PRKN: variants seen among roughly 807,000 people sequenced by gnomAD.
PRKN encodes the protein parkin RBR E3 ubiquitin protein ligase.
Under a neutral mutation model 59.5 loss-of-function variants are expected in PRKN, and 56 were observed. The ratio of observed to expected loss-of-function variants is 0.94; its 90% CI spans 0.76 to 1.18. The LOEUF (loss-of-function observed/expected upper bound fraction) is 1.18. Ranked by LOEUF, PRKN falls within the 50% of genes most tolerant of loss-of-function variation. The probability of loss-of-function intolerance (pLI) is 0.00; values close to 1 mark genes in which losing one functional copy is unlikely to be tolerated. For missense variants in PRKN, 657 were observed against 596.4 expected, an observed-to-expected ratio of 1.10 and a Z score of -1.06; for synonymous variants, 250 against 222.1, an observed-to-expected ratio of 1.13 and a Z score of -1.12.
chr6:162,096,677 C>T (rs1294099551), intron 4 of PRKN, among the ~76,000 whole-genome samples: 2 of 152,036 alleles, frequency 1.3e-5, no homozygotes, highest in African/African-American at 2.4e-5. Flanking sequence ...TTCTCATTCT[C>T]TTTTGCCTGC....
intron 7 of PRKN, among the ~76,000 whole-genome samples, chr6:161,668,256 T>C (rs1784790746): frequency 6.8e-6 from 1 of 148,134 alleles, no homozygotes; most frequent in Non-Finnish European, 1.5e-5. Context: ...AAACAGGTTT[T>C]TCATATAAAG....
In PRKN at chr6:161,347,634, T is replaced by TTTG; in HGVS notation, c.*2464_*2465insCAA. On this transcript the variant is annotated 3_prime_UTR_variant, in exon 12 of 12. Transcript: ENST00000366898. ...TTTTGTTTTTGTTTTTTTTTTTTTT[T>TTTG]TGAGACAGAGTCTCACTCTGTTGCC... 6.7e-6 allele frequency: 1 copy of TTTG among 149,362 alleles called. No individual in the cohort carries two copies. Among genetic ancestry groups the TTTG allele is most frequent in the Non-Finnish European group, 1.5e-5 (1 of 67,540 alleles). The allele number at this position is 149,362 out of a possible 1,614,324, so 9.3% of individuals were successfully genotyped here. A position where few individuals can be genotyped will look rare whatever the true frequency, so the allele number is the denominator to read the frequency against.
intron 7 of PRKN, among the ~76,000 whole-genome samples, chr6:161,657,356 T>C (rs1784386216): frequency 6.6e-6 from 1 of 152,184 alleles, no homozygotes; most frequent in Admixed American, 6.5e-5. Context: ...TAAAGGCGAA[T>C]ATGAATAAGA....
chr6:162,248,878 A>G (rs1167368182), intron 3 of PRKN, among the ~76,000 whole-genome samples: 1 of 151,388 alleles, frequency 6.6e-6, no homozygotes, highest in Non-Finnish European at 1.5e-5. Flanking sequence ...TTGCTTTTGT[A>G]TATAATTTTT....
At chr6:162,357,274 G>A (rs374408215) in intron 2 of PRKN, among the ~76,000 whole-genome samples, 12 of 152,210 alleles carry the variant, frequency 7.9e-5, no homozygotes, top group African/African-American at 2.4e-4. Context: ...TTGCAACTCA[G>A]AAACACATAA....
At chr6:161,986,198 TAGGTA>T (rs1481604610) in intron 5 of PRKN, among the ~76,000 whole-genome samples, 1 of 152,156 alleles carries the variant, frequency 6.6e-6, no homozygotes, top group Non-Finnish European at 1.5e-5. Flanking sequence ...TAATTACAAG[TAGGTA>T]TAAACATGAC....
At chr6:162,000,301 G>A (rs1782003161) in intron 5 of PRKN, among the ~76,000 whole-genome samples, 1 of 152,064 alleles carries the variant, frequency 6.6e-6, no homozygotes, top group Non-Finnish European at 1.5e-5. Context: ...ATACTCCCCA[G>A]CATTTGGTGG....
chr6:162,434,394 T>C (rs13215957), intron 2 of PRKN, among the ~76,000 whole-genome samples: 59,692 of 152,014 alleles, frequency 0.39, 13,034 homozygotes, highest in African/African-American at 0.6. Context: ...CCTTCTGTGC[T>C]TTACAAAGGC....
At chr6:161,880,019 G>T (rs1056128522) in intron 6 of PRKN, among the ~76,000 whole-genome samples, 1 of 152,134 alleles carries the variant, frequency 6.6e-6, no homozygotes, top group East Asian at 1.9e-4. Context: ...AAGAAGCTTG[G>T]AGTCTGATAC....
chr6:162,458,358 A>T (rs1356284001), intron 1 of PRKN, among the ~76,000 whole-genome samples: 3 of 150,986 alleles, frequency 2.0e-5, no homozygotes, highest in Non-Finnish European at 4.4e-5. Flanking sequence ...CCCAGGAAGC[A>T]GAGGTTGCAG....
chr6:162,325,434 T>G (rs1174186217), intron 2 of PRKN, among the ~76,000 whole-genome samples: 1 of 152,154 alleles, frequency 6.6e-6, no homozygotes, highest in East Asian at 1.9e-4. Flanking sequence ...TATAAAAATG[T>G]CAATGGCTCA....
chr6:161,853,742 T>C (rs1793529370), intron 6 of PRKN, among the ~76,000 whole-genome samples: 1 of 152,142 alleles, frequency 6.6e-6, no homozygotes. Context: ...AACATTCATA[T>C]CACACAATGT....
chr6:162,321,484 C>T (rs1049845997), intron 2 of PRKN, among the ~76,000 whole-genome samples: 4 of 151,848 alleles, frequency 2.6e-5, no homozygotes, highest in Admixed American at 2.6e-4. Context: ...TACACAAATG[C>T]TTGAGAAAAG....
At chr6:162,258,208 A>G (rs1278373015) in intron 3 of PRKN, among the ~76,000 whole-genome samples, 1 of 152,206 alleles carries the variant, frequency 6.6e-6, no homozygotes, top group Non-Finnish European at 1.5e-5. Context: ...TCGATAGAAC[A>G]CACACTTACT....
At chr6:161,903,486 CA>C (rs1778014946) in intron 6 of PRKN, among the ~76,000 whole-genome samples, 1 of 152,210 alleles carries the variant, frequency 6.6e-6, no homozygotes, top group South Asian at 2.1e-4. Context: ...TCTGAGCTGA[CA>C]GCCGCCATCT....
chr6:161,895,417 G>T (rs1777576297), intron 6 of PRKN, among the ~76,000 whole-genome samples: 1 of 152,180 alleles, frequency 6.6e-6, no homozygotes, highest in South Asian at 2.1e-4. Context: ...GTGTGCAGGT[G>T]GCCAGGAATC....
chr6:161,382,105 C>G (rs956359319), intron 10 of PRKN, among the ~76,000 whole-genome samples: 4 of 83,014 alleles, frequency 4.8e-5, no homozygotes, highest in African/African-American at 1.7e-4. Flanking sequence ...GAGCGAGACT[C>G]CATCTCAAAA....
intron 1 of PRKN, among the ~76,000 whole-genome samples, chr6:162,709,375 CTTTT>C (rs34492695): frequency 1.0e-4 from 15 of 147,814 alleles, no homozygotes; most frequent in Admixed American, 1.3e-4. Flanking sequence ...GGTCTGAACA[CTTTT>C]TTTTTTTTTT....
chr6:162,688,552 A>C (rs984784101), intron 1 of PRKN, among the ~76,000 whole-genome samples: 3 of 152,188 alleles, frequency 2.0e-5, no homozygotes, highest in Non-Finnish European at 4.4e-5. Flanking sequence ...ATCTTTCCTA[A>C]AACAAAATTT....
Sources: gnomAD v4.1 joint callset for allele counts (sites outside exome capture counted in the v4.1 genomes callset) on GRCh38, gnomAD v4.1.1 for gene constraint, MANE v1.5 for transcripts, NCBI Gene and HGNC (gene_info 2026-07-23, HGNC 2026-07-21) for gene names.